Variants in UNC5D observed in about 807,000 individuals in gnomAD.
The protein encoded by UNC5D is unc-5 netrin receptor D.
In UNC5D, 39 loss-of-function variants were observed where a neutral mutation model predicts 105.4. That is an observed-to-expected ratio of 0.37 (90% CI 0.29 to 0.48). The LOEUF (loss-of-function observed/expected upper bound fraction) is 0.48. Ranked by LOEUF, UNC5D falls within the 20% of genes least tolerant of loss-of-function variation. The pLI, the probability that UNC5D is intolerant of heterozygous loss-of-function variation, is 0.98. For missense variants in UNC5D, 991 were observed against 1,202.4 expected, an observed-to-expected ratio of 0.82 and a Z score of 2.60; for synonymous variants, 452 against 450.4, an observed-to-expected ratio of 1.00 and a Z score of -0.04.
chr8:35,511,512 A>G (rs905761673), intron 1 of UNC5D, among the ~76,000 whole-genome samples: 8 of 151,570 alleles, frequency 5.3e-5, no homozygotes, highest in Non-Finnish European at 1.0e-4. Context: ...AATTTTCACA[A>G]TCCCCTTCCA....
At chr8:35,784,809 A>C (rs1802669616) in intron 16 of UNC5D, among the ~76,000 whole-genome samples, 1 of 151,698 alleles carries the variant, frequency 6.6e-6, no homozygotes, top group Non-Finnish European at 1.5e-5. Flanking sequence ...ATTATATAAC[A>C]TCTTAATGAC....
At chr8:35,459,176 T>C (rs781279457) in intron 1 of UNC5D, among the ~76,000 whole-genome samples, 12 of 152,164 alleles carry the variant, frequency 7.9e-5, no homozygotes, top group Non-Finnish European at 1.6e-4. Flanking sequence ...GGCTAATTGA[T>C]CTGACTGCAT....
rs752599540 is a variant in UNC5D at position 35,300,446 on chromosome 8, CAAAAAAAAAAAAAAAAAAAAAAA to C, written c.103+64585_103+64607del. The stretch of plus-strand genomic sequence containing the variant: ...TGGGCAACAGAGAGAGACTCCCTCT[CAAAAAAAAAAAAAAAAAAAAAAA>C]AAAAAAAAAAAAAAAAAAAAAAAAA... On this transcript the variant is annotated intron_variant, in intron 1 of 16. Coordinates refer to ENST00000404895, the MANE Select transcript of UNC5D (RefSeq NM_080872.4). Among the ~76,000 whole-genome samples, 80 of 58,380 alleles carry C rather than the reference CAAAAAAAAAAAAAAAAAAAAAAA, an allele frequency of 1.4e-3. 5 individuals are homozygous for C. The highest frequency in any genetic ancestry group is 4.1e-3 in the African/African-American group (64 of 15,584). 38.3% of individuals were successfully genotyped at this position (58,380 alleles called of 152,430 possible).
At chr8:35,526,114 G>C (rs1813851382) in intron 1 of UNC5D, among the ~76,000 whole-genome samples, 1 of 152,172 alleles carries the variant, frequency 6.6e-6, no homozygotes, top group Non-Finnish European at 1.5e-5. Context: ...TTACGTTTAA[G>C]TCTATGGTTA....
chr8:35,573,112 A>G (rs7016917), intron 3 of UNC5D, among the ~76,000 whole-genome samples: 3 of 152,034 alleles, frequency 2.0e-5, no homozygotes, highest in Admixed American at 2.0e-4. Flanking sequence ...GCAATTTTAT[A>G]TTTCTGATGA....
intron 1 of UNC5D, among the ~76,000 whole-genome samples, chr8:35,409,502 G>T (rs1286317970): frequency 6.6e-6 from 1 of 152,012 alleles, no homozygotes; most frequent in Non-Finnish European, 1.5e-5. Context: ...AACTCATGAG[G>T]TTGAGGATTT....
At chr8:35,785,724 T>C (rs2131795756) in intron 16 of UNC5D, among the ~76,000 whole-genome samples, 1 of 152,204 alleles carries the variant, frequency 6.6e-6, no homozygotes, top group East Asian at 1.9e-4. Flanking sequence ...CACTCACCCG[T>C]CCAAACCCAA....
chr8:35,253,609 C>T (rs1277219675), intron 1 of UNC5D, among the ~76,000 whole-genome samples: 1 of 151,654 alleles, frequency 6.6e-6, no homozygotes, highest in Non-Finnish European at 1.5e-5. Flanking sequence ...GCCTCCGCCT[C>T]CCGAGTAGCT....
intron 1 of UNC5D, among the ~76,000 whole-genome samples, chr8:35,395,000 C>A (rs561615770): frequency 6.6e-6 from 1 of 152,252 alleles, no homozygotes; most frequent in African/African-American, 2.4e-5. Flanking sequence ...AATGGGAAGA[C>A]CTCAGGTTCC....
intron 13 of UNC5D, among the ~76,000 whole-genome samples, chr8:35,755,551 T>C (rs1830481189): frequency 1.3e-5 from 2 of 152,156 alleles, no homozygotes; most frequent in Admixed American, 1.3e-4. Context: ...CTTGTTTTAG[T>C]ATCCCTGAAG....
chr8:35,674,191 G>A (rs1365742790), intron 4 of UNC5D, among the ~76,000 whole-genome samples: 1 of 152,140 alleles, frequency 6.6e-6, no homozygotes, highest in African/African-American at 2.4e-5. Flanking sequence ...TTCCTTAGGA[G>A]TGATCATAAA....
chr8:35,789,173 A>ATATATATATATATG (rs1802906861), intron 16 of UNC5D, among the ~76,000 whole-genome samples: 2 of 92,078 alleles, frequency 2.2e-5, no homozygotes, highest in African/African-American at 9.3e-5. Flanking sequence ...ATATATATAT[A>ATATATATATATATG]TATATATATA....
At chr8:35,465,846 G>T (rs1415426449) in intron 1 of UNC5D, among the ~76,000 whole-genome samples, 2 of 152,150 alleles carry the variant, frequency 1.3e-5, no homozygotes, top group Middle Eastern at 3.2e-3. Flanking sequence ...AGAGGAGTTA[G>T]AGGGGGATGT....
chr8:35,387,174 C>T (rs991500870), intron 1 of UNC5D, among the ~76,000 whole-genome samples: 53 of 151,980 alleles, frequency 3.5e-4, no homozygotes, highest in African/African-American at 1.3e-3. Flanking sequence ...TCCTGGCTAA[C>T]ATGGTGAAAC....
intron 1 of UNC5D, among the ~76,000 whole-genome samples, chr8:35,528,108 C>T (rs1225431122): frequency 7.4e-6 from 1 of 134,292 alleles, no homozygotes; most frequent in Admixed American, 8.3e-5. Context: ...AGGTTAGTTA[C>T]ATATGTATAC....
intron 1 of UNC5D, among the ~76,000 whole-genome samples, chr8:35,309,496 G>A (rs1487739911): frequency 6.6e-6 from 1 of 152,144 alleles, no homozygotes; most frequent in African/African-American, 2.4e-5. Context: ...TATGTGTCTG[G>A]ATGTCCTTGG....
At chr8:35,554,452 C>T (rs1045424416) in intron 2 of UNC5D, among the ~76,000 whole-genome samples, 2 of 152,188 alleles carry the variant, frequency 1.3e-5, no homozygotes, top group East Asian at 1.9e-4. Flanking sequence ...AACTCGTCTT[C>T]CTTGTGTTGT....
At chr8:35,683,809 G>A in intron 5 of UNC5D, 82 bp downstream of exon 5, 1 of 1,316,758 alleles carries the variant, frequency 7.6e-7, no homozygotes, top group East Asian at 3.0e-5. Context: ...AACTTTCAAT[G>A]TCGAGAGCTG....
intron 1 of UNC5D, among the ~76,000 whole-genome samples, chr8:35,530,744 G>T (rs1238053374): frequency 7.5e-6 from 1 of 134,208 alleles, no homozygotes; most frequent in East Asian, 2.2e-4. Context: ...GGTCTATTCA[G>T]AGATTCAACT....
Sources: gnomAD v4.1 joint callset for allele counts (sites outside exome capture counted in the v4.1 genomes callset) on GRCh38, gnomAD v4.1.1 for gene constraint, MANE v1.5 for transcripts, NCBI Gene and HGNC (gene_info 2026-07-23, HGNC 2026-07-21) for gene names.